The following CEP290 variants were observed in gnomAD, a reference collection of about 807,000 sequenced individuals.
CEP290 encodes the protein centrosomal protein 290.
A neutral mutation model predicts 344.9 loss-of-function variants in CEP290; 317 were observed. That is an observed-to-expected ratio of 0.92 (90% CI 0.84 to 1.01). The LOEUF (loss-of-function observed/expected upper bound fraction) is 1.01. CEP290 is among the 50% of genes least tolerant of loss of function. CEP290 has a pLI of 0.00. For missense variants in CEP290, 2,754 were observed against 2,761.4 expected (o/e 1.00, Z 0.06); for synonymous variants, 932 against 895.8 (o/e 1.04, Z -0.72).
intron 6 of CEP290, among the ~76,000 whole-genome samples, chr12:88,133,999 C>G (rs925678551): frequency 6.6e-6 from 1 of 152,154 alleles, no homozygotes; most frequent in Non-Finnish European, 1.5e-5. Context: ...AGACATTTCT[C>G]AGAGACGTGC....
intron 30 of CEP290, 83 bp downstream of exon 30, chr12:88,090,645 T>G: frequency 1.2e-6 from 1 of 849,506 alleles, no homozygotes; most frequent in Non-Finnish European, 1.9e-6. Flanking sequence ...AAACAAAAAG[T>G]ATAACATATC....
At chr12:88,071,164 A>C in intron 43 of CEP290, 130 bp downstream of exon 43, 1 of 743,808 alleles carries the variant, frequency 1.3e-6, no homozygotes, top group Non-Finnish European at 2.2e-6. Flanking sequence ...AAGAACCAGG[A>C]ATATCTCAAT....
intron 17 of CEP290, among the ~76,000 whole-genome samples, chr12:88,117,545 C>T (rs190247575): frequency 3.3e-5 from 5 of 152,110 alleles, no homozygotes; most frequent in Admixed American, 3.3e-4. Context: ...TAAAAAGAAC[C>T]ACTCTGCTAT....
chr12:88,096,336 C>T (rs1269043270), intron 27 of CEP290, among the ~76,000 whole-genome samples: 1 of 152,078 alleles, frequency 6.6e-6, no homozygotes. Context: ...GTGTGAGCCA[C>T]TGCGCCGGCC....
intron 43 of CEP290, 43 bp from the exon 44 acceptor site, chr12:88,068,688 C>A: frequency 6.5e-7 from 1 of 1,540,452 alleles, no homozygotes. Flanking sequence ...CACATTTCAT[C>A]TTTTTTCTGT....
In CEP290 at chr12:88,083,212, G is replaced by C; in HGVS notation, c.4831C>G (p.Pro1611Ala). 1 of 1,487,804 alleles carries C rather than the reference G, an allele frequency of 6.7e-7. No homozygotes were observed. The highest frequency in any genetic ancestry group is 8.9e-7 in the Non-Finnish European group (1 of 1,122,570). 92.2% of individuals were successfully genotyped at this position (1,487,804 alleles called of 1,614,324 possible). The change falls in exon 37 of 54, where the codon CCC becomes GCC. Residue 1611 changes from proline (P) to alanine (A), a missense_variant. Physicochemically the swap from Pro to Ala is conservative, Grantham distance 27 (BLOSUM62 -1). Transcript: ENST00000552810. The part of the protein sequence containing the change: ...QTAWDLMKQS[P>A]TPVPTNKHFI... ...TGCTTGTTGGTAGGAACTGGAGTGG[G>C]AGACTGTTTCATTAAATCCTATAAA...
intron 43 of CEP290, 52 bp from the exon 44 acceptor site, chr12:88,068,697 G>A (rs1164240323): frequency 3.3e-6 from 5 of 1,520,900 alleles, no homozygotes; most frequent in Non-Finnish European, 4.4e-6. Context: ...TCTTTTTTCT[G>A]TTGTACTATA....
intron 25 of CEP290, 183 bp from the exon 26 acceptor site, chr12:88,103,194 C>A: frequency 5.3e-6 from 2 of 374,124 alleles, no homozygotes; most frequent in East Asian, 4.3e-5. Context: ...AGAAATGTTA[C>A]TTTGAAAATC....
chr12:88,107,181 T>A, intron 23 of CEP290, 83 bp from the exon 24 acceptor site: 1 of 866,956 alleles, frequency 1.2e-6, no homozygotes, highest in Non-Finnish European at 1.7e-6. Context: ...ATTATGCAAA[T>A]TTAAAGTTTT....
Position 88,125,018 on chromosome 12 carries a change from C to T in CEP290, c.1189+228G>A, listed in dbSNP as rs993540261. ...TTCATACCAGTGACCTGGTAATAAA[C>T]GTTAATGTAATTTTCACCAGAGGAG... On this transcript the variant is annotated intron_variant, in intron 13 of 53. Transcript: ENST00000552810. Among the ~76,000 whole-genome samples, 3 of 151,678 alleles carry T rather than the reference C, an allele frequency of 2.0e-5. No homozygotes were observed. The East Asian group carries it at 5.8e-4, about 29-fold the overall frequency.
Position 88,125,243 on chromosome 12 carries a change from T to TA in CEP290, c.1189+2dup. 2 of 753,756 alleles carry TA rather than the reference T, an allele frequency of 2.7e-6. No individual in the cohort carries two copies. Among genetic ancestry groups the TA allele is most frequent in the East Asian group, 6.7e-5 (2 of 29,886 alleles). 46.7% of individuals were successfully genotyped at this position (753,756 alleles called of 1,614,324 possible). On this transcript the variant is annotated splice_region_variant and intron_variant, in intron 13 of 53. Coordinates refer to ENST00000552810, the MANE Select transcript of CEP290 (RefSeq NM_025114.4). ...TAAAATAACTATATATTTATAAAAA[T>TA]ACCTTTGTTTCTTTGGAGCTCATTT...
At chr12:88,136,920 G>T in intron 5 of CEP290, 134 bp from the exon 6 acceptor site, 1 of 821,604 alleles carries the variant, frequency 1.2e-6, no homozygotes, top group Non-Finnish European at 1.9e-6. Context: ...AATCATATTA[G>T]CTTAAGAACT....
In CEP290 at chr12:88,142,052, T is replaced by C. The variant is rs989702984; in HGVS notation, c.-180A>G. The C allele has an allele frequency of 5.2e-5, 8 of 152,594 alleles. No homozygotes were observed. Among genetic ancestry groups the C allele is most frequent in the African/African-American group, 1.9e-4 (8 of 41,568 alleles). The allele number at this position is 152,594 out of a possible 1,614,324, so 9.5% of individuals were successfully genotyped here. A position where few individuals can be genotyped will look rare whatever the true frequency, so the allele number is the denominator to read the frequency against. ...AGCAAGCCAAAGCGGCAGCGGCTGC[T>C]AGGCGACACCATCCCCAACTCCGCC... On this transcript the variant is annotated 5_prime_UTR_variant, in exon 1 of 54. Coordinates refer to ENST00000552810, the MANE Select transcript of CEP290 (RefSeq NM_025114.4).
At chr12:88,113,523 CATG>C (rs1010631699) in intron 20 of CEP290, among the ~76,000 whole-genome samples, 22 of 152,010 alleles carry the variant, frequency 1.4e-4, no homozygotes, top group Middle Eastern at 6.8e-3. Context: ...ACTGATTAAT[CATG>C]ATTTTTTTAA....
At chr12:88,137,573 T>C (rs1275812732) in intron 5 of CEP290, among the ~76,000 whole-genome samples, 1 of 152,204 alleles carries the variant, frequency 6.6e-6, no homozygotes, top group Non-Finnish European at 1.5e-5. Context: ...TTGTTCTTAC[T>C]CTTTCTCTCC....
At chr12:88,082,027 C>T (rs1005454207) in intron 37 of CEP290, among the ~76,000 whole-genome samples, 3 of 152,108 alleles carry the variant, frequency 2.0e-5, no homozygotes, top group African/African-American at 7.2e-5. Flanking sequence ...CTGTCAGAGG[C>T]ATTTGAATAA....
chr12:88,139,558 C>A lies in CEP290; in HGVS notation c.187G>T (p.Ala63Ser). The change falls in exon 4 of 54, where the codon GCT (alanine) becomes TCT (serine). Residue 63 changes from alanine to serine, a missense_variant. Transcript: ENST00000552810. ...TCCAAAGCCAGCTCCACTTCTTGAG[C>A]TTTCATCTAAACATTAAAAAAAGGT... ...RITQSLMKMK[A>S]QEVELALEEV... 1.3e-6 allele frequency: 2 copies of A among 1,576,142 alleles called. No homozygotes were observed. Among genetic ancestry groups the A allele is most frequent in the South Asian group, 1.2e-5 (1 of 83,178 alleles).
intron 6 of CEP290, among the ~76,000 whole-genome samples, chr12:88,135,202 G>T (rs1376102945): frequency 6.6e-6 from 1 of 152,090 alleles, no homozygotes; most frequent in Non-Finnish European, 1.5e-5. Flanking sequence ...AGAAGTAATT[G>T]CCAAAGCAAC....
In CEP290 at chr12:88,111,844, C is replaced by T. The variant is rs1425613490; in HGVS notation, c.2067G>A (p.Lys689=). The change falls in exon 21 of 54, where the codon AAG becomes AAA. Residue 689 remains lysine (K), a synonymous_variant. Coordinates refer to ENST00000552810, the MANE Select transcript of CEP290 (RefSeq NM_025114.4). ...LERLVNAIES[K]NAEGIFDASL... is the part of the protein sequence containing the mutation. ...TCGCATCAAAGATTCCTTCTGCATTCTTTGATTCTATAGCCTAGCAAATTT... is the reference window on the plus strand; with the variant it reads ...TCGCATCAAAGATTCCTTCTGCATTTTTTGATTCTATAGCCTAGCAAATTT... 3.8e-6 allele frequency: 6 copies of T among 1,592,018 alleles called. No individual in the cohort carries two copies. The highest frequency in any genetic ancestry group is 5.1e-6 in the Non-Finnish European group (6 of 1,169,674).
Sources: allele counts gnomAD v4.1 joint callset (sites outside exome capture counted in the v4.1 genomes callset), GRCh38; gene constraint gnomAD v4.1.1; transcripts MANE v1.5; gene names NCBI Gene and HGNC (gene_info 2026-07-23, HGNC 2026-07-21).